The following CSMD1 variants were observed in gnomAD, a reference collection of about 807,000 sequenced individuals.
CSMD1 encodes the protein CUB and Sushi multiple domains 1.
Under a neutral mutation model 417.5 loss-of-function variants are expected in CSMD1, and 213 were observed. That is an observed-to-expected ratio of 0.51 (90% CI 0.46 to 0.57). The LOEUF (loss-of-function observed/expected upper bound fraction) is 0.57. Ranked by LOEUF, CSMD1 falls within the 20% of genes least tolerant of loss-of-function variation. The probability of loss-of-function intolerance (pLI) is 0.00; values close to 1 mark genes in which losing one functional copy is unlikely to be tolerated. For missense variants in CSMD1, 6,923 were observed against 4,529.7 expected (o/e 1.53, Z -15.17); for synonymous variants, 2,862 against 1,736.8 (o/e 1.65, Z -16.11).
intron 12 of CSMD1, among the ~76,000 whole-genome samples, chr8:3,456,800 GCTACTAAA>G (rs1563056812): frequency 7.2e-5 from 11 of 152,018 alleles, no homozygotes; most frequent in African/African-American, 2.7e-4. Flanking sequence ...TATAGATGAG[GCTACTAAA>G]GGCCAGGGGT....
intron 2 of CSMD1, among the ~76,000 whole-genome samples, chr8:4,464,005 A>G (rs1401244662): frequency 6.6e-6 from 1 of 152,172 alleles, no homozygotes; most frequent in African/African-American, 2.4e-5. Flanking sequence ...ATTTCCTGTT[A>G]TATCACATGA....
At chr8:3,990,640 C>A (rs1480572939) in intron 5 of CSMD1, among the ~76,000 whole-genome samples, 1 of 152,118 alleles carries the variant, frequency 6.6e-6, no homozygotes, top group South Asian at 2.1e-4. Context: ...ATTTACTTAA[C>A]CCGAATTAAA....
chr8:4,197,925 T>C (rs1799433361), intron 3 of CSMD1, among the ~76,000 whole-genome samples: 2 of 152,292 alleles, frequency 1.3e-5, no homozygotes, highest in South Asian at 2.1e-4. Flanking sequence ...TATTCATTCA[T>C]TTAGTAATTC....
intron 2 of CSMD1, among the ~76,000 whole-genome samples, chr8:4,513,594 A>T (rs1300720042): frequency 6.6e-6 from 1 of 152,210 alleles, no homozygotes; most frequent in African/African-American, 2.4e-5. Context: ...ATTTGTGTTA[A>T]ATGGAGCATG....
chr8:4,981,652 T>C (rs1305054264), intron 1 of CSMD1, among the ~76,000 whole-genome samples: 3 of 152,214 alleles, frequency 2.0e-5, no homozygotes, highest in Admixed American at 1.3e-4. Context: ...GATCTTTTTA[T>C]ATTACTTTTC....
At chr8:4,019,458 GGGCC>G (rs371683158) in intron 4 of CSMD1, among the ~76,000 whole-genome samples, 95,559 of 151,996 alleles carry the variant, frequency 0.63, 30,396 homozygotes, top group African/African-American at 0.7. Flanking sequence ...TCCCTTATTA[GGGCC>G]CTTATTAGGG....
At chr8:4,663,909 G>C (rs1020154438) in intron 1 of CSMD1, among the ~76,000 whole-genome samples, 4 of 152,182 alleles carry the variant, frequency 2.6e-5, no homozygotes, top group Non-Finnish European at 5.9e-5. Flanking sequence ...TCAAAATCCA[G>C]TGTCATCTGA....
intron 1 of CSMD1, among the ~76,000 whole-genome samples, chr8:4,728,099 T>A (rs898553749): frequency 6.8e-6 from 1 of 146,952 alleles, no homozygotes; most frequent in Non-Finnish European, 1.5e-5. Context: ...TATGTACATT[T>A]GGTATATTTG....
chr8:4,109,584 G>T (rs150318336), intron 3 of CSMD1, among the ~76,000 whole-genome samples: 1 of 152,130 alleles, frequency 6.6e-6, no homozygotes. Flanking sequence ...CTGGAACTAC[G>T]CAGGAGCATT....
At chr8:4,024,414 T>C (rs1796955043) in intron 4 of CSMD1, among the ~76,000 whole-genome samples, 1 of 152,312 alleles carries the variant, frequency 6.6e-6, no homozygotes, top group Admixed American at 6.5e-5. Context: ...GGGAAAACTT[T>C]ATTATTAAAC....
intron 5 of CSMD1, among the ~76,000 whole-genome samples, chr8:3,815,451 C>A (rs1801317635): frequency 1.3e-5 from 2 of 152,048 alleles, no homozygotes; most frequent in Non-Finnish European, 2.9e-5. Flanking sequence ...GATATTGTGC[C>A]AGTCCCTCAG....
chr8:3,398,120 G>C (rs1196908848), intron 16 of CSMD1, among the ~76,000 whole-genome samples: 6 of 152,142 alleles, frequency 3.9e-5, no homozygotes, highest in Admixed American at 1.3e-4. Flanking sequence ...TGAAAATAGA[G>C]GGCTAATAGA....
intron 1 of CSMD1, among the ~76,000 whole-genome samples, chr8:4,670,484 T>C (rs1805226671): frequency 6.6e-6 from 1 of 152,170 alleles, no homozygotes; most frequent in Non-Finnish European, 1.5e-5. Context: ...TTTTAACTAC[T>C]CCCACTTGAA....
rs189235483 is a variant in CSMD1, at chr8:3,282,487, C to T, written c.4153+1657G>A. Reference sequence around the variant, plus strand: ...GTTTTGCTAAATAAGGCCAATGAATCACAATTCTACCATCTGCTCTTGCCA... The same window carrying T: ...GTTTTGCTAAATAAGGCCAATGAATTACAATTCTACCATCTGCTCTTGCCA... On this transcript the variant is annotated intron_variant, in intron 26 of 69. Transcript: ENST00000635120. Among the ~76,000 whole-genome samples, 7 of 152,238 alleles carry T rather than the reference C, an allele frequency of 4.6e-5. No individual in the cohort carries two copies. The East Asian group carries it at 1.3e-3, about 29-fold the overall frequency.
At chr8:4,510,101 G>C (rs1022262256) in intron 2 of CSMD1, among the ~76,000 whole-genome samples, 2 of 152,020 alleles carry the variant, frequency 1.3e-5, no homozygotes, top group South Asian at 2.1e-4. Flanking sequence ...AGTCTAAAGA[G>C]ATCTGATGGT....
chr8:4,080,442 A>G (rs1800070972), intron 3 of CSMD1, among the ~76,000 whole-genome samples: 1 of 152,202 alleles, frequency 6.6e-6, no homozygotes, highest in Admixed American at 6.5e-5. Flanking sequence ...TACATTATCC[A>G]TGTGTTACAT....
At chr8:4,489,006 C>A (rs1053261177) in intron 2 of CSMD1, among the ~76,000 whole-genome samples, 1 of 152,150 alleles carries the variant, frequency 6.6e-6, no homozygotes, top group African/African-American at 2.4e-5. Flanking sequence ...CGCCTCCCAG[C>A]TTCAAGCAAT....
intron 5 of CSMD1, among the ~76,000 whole-genome samples, chr8:3,880,783 G>A (rs375489873): frequency 6.6e-6 from 1 of 152,086 alleles, no homozygotes; most frequent in African/African-American, 2.4e-5. Flanking sequence ...GAAAAACAAT[G>A]TATTTTCTTT....
chr8:4,929,169 G>C (rs1326100644), intron 1 of CSMD1, among the ~76,000 whole-genome samples: 4 of 152,156 alleles, frequency 2.6e-5, no homozygotes, highest in East Asian at 3.9e-4. Flanking sequence ...AAAGACATCA[G>C]AGAAGCTCCT....
Sources: gnomAD v4.1 joint callset for allele counts (sites outside exome capture counted in the v4.1 genomes callset) on GRCh38, gnomAD v4.1.1 for gene constraint, MANE v1.5 for transcripts, NCBI Gene and HGNC (gene_info 2026-07-23, HGNC 2026-07-21) for gene names.